KIAA1217: variants seen among roughly 807,000 people sequenced by gnomAD.
The protein encoded by KIAA1217 is KIAA1217.
Under a neutral mutation model 163.9 loss-of-function variants are expected in KIAA1217, and 88 were observed. The observed-to-expected ratio is 0.54, with a 90% CI of 0.45 to 0.64. KIAA1217 has a LOEUF of 0.64. Among genes scored for constraint, KIAA1217 ranks in the 30% least tolerant of loss-of-function variants. The probability of loss-of-function intolerance (pLI) is 0.00; values close to 1 mark genes in which losing one functional copy is unlikely to be tolerated. For missense variants in KIAA1217, 2,372 were observed against 2,475.0 expected, an observed-to-expected ratio of 0.96 and a Z score of 0.88; for synonymous variants, 903 against 923.1, an observed-to-expected ratio of 0.98 and a Z score of 0.39.
At chr10:23,927,197 A>G (rs1441301041) in intron 1 of KIAA1217, among the ~76,000 whole-genome samples, 4 of 152,012 alleles carry the variant, frequency 2.6e-5, no homozygotes, top group Non-Finnish European at 4.4e-5. Context: ...ATAAATTGCT[A>G]TGCTGGGATC....
At chr10:24,202,089 T>G (rs1276559858) in intron 2 of KIAA1217, among the ~76,000 whole-genome samples, 1 of 152,166 alleles carries the variant, frequency 6.6e-6, no homozygotes, top group African/African-American at 2.4e-5. Context: ...GGGGGTGACA[T>G]GGAAAGGTGA....
At chr10:24,493,469 G>A (rs897093570) in intron 6 of KIAA1217, among the ~76,000 whole-genome samples, 5 of 152,292 alleles carry the variant, frequency 3.3e-5, no homozygotes, top group Admixed American at 2.0e-4. Flanking sequence ...TCACTTACTC[G>A]TATTGTTGTT....
At chr10:23,760,309 T>A (rs1834191455) in intron 1 of KIAA1217, among the ~76,000 whole-genome samples, 1 of 152,234 alleles carries the variant, frequency 6.6e-6, no homozygotes, top group African/African-American at 2.4e-5. Flanking sequence ...AGTGCATGCA[T>A]GCAGCAGATA....
chr10:24,137,918 G>T (rs1431376256), intron 2 of KIAA1217, among the ~76,000 whole-genome samples: 1 of 152,054 alleles, frequency 6.6e-6, no homozygotes. Context: ...AAAGAATTTT[G>T]TTGGGATATT....
intron 2 of KIAA1217, among the ~76,000 whole-genome samples, chr10:24,242,614 C>T (rs1347993147): frequency 6.6e-6 from 1 of 152,124 alleles, no homozygotes; most frequent in Non-Finnish European, 1.5e-5. Flanking sequence ...CCAATAATGG[C>T]ATTACTGAGT....
rs749395591 is a variant in KIAA1217, at chr10:24,542,747, G to C, written c.3589G>C (p.Gly1197Arg). 2 of 1,614,102 alleles carry C rather than the reference G, an allele frequency of 1.2e-6. No individual in the cohort carries two copies. The highest frequency in any genetic ancestry group is 4.5e-5 in the East Asian group (2 of 44,866). ...VRKSDVEYEN[G>R]PQMEFQKVTT... ...GAAATCTGATGTTGAATATGAAAAT[G>C]GCCCCCAAATGGAATTCCAAAAGGT... Residue 1197 changes from glycine to arginine, a missense_variant, in exon 18 of 21, where the codon GGC becomes CGC. By Grantham distance (125) the Gly-to-Arg change is moderately radical. Around this residue, in one of 3 missense-constraint regions of KIAA1217, gnomAD observed 251 missense variants for 327.3 expected, o/e 0.77. Transcript: ENST00000376454.
At chr10:24,326,902 T>C (rs947436324) in intron 2 of KIAA1217, among the ~76,000 whole-genome samples, 7 of 152,248 alleles carry the variant, frequency 4.6e-5, no homozygotes, top group Non-Finnish European at 1.0e-4. Flanking sequence ...TTGTAAATGA[T>C]GCTTAATAAT....
At chr10:24,434,552 G>T (rs1045443124) in intron 4 of KIAA1217, among the ~76,000 whole-genome samples, 13 of 152,168 alleles carry the variant, frequency 8.5e-5, no homozygotes, top group African/African-American at 3.1e-4. Context: ...ACCCAGGCTG[G>T]TCTGAAACTC....
intron 3 of KIAA1217, among the ~76,000 whole-genome samples, chr10:24,390,815 TC>T (rs1648961024): frequency 6.6e-6 from 1 of 152,056 alleles, no homozygotes; most frequent in Admixed American, 6.5e-5. Context: ...GATACAAGCA[TC>T]CCCCCAGTTT....
Position 24,524,565 on chromosome 10 carries a change from C to T in KIAA1217, c.2699C>T (p.Ser900Phe). Residue 900 changes from serine (S) to phenylalanine (F), a missense_variant, in exon 13 of 21, where the codon TCC becomes TTC. Ser to Phe is a radical substitution (Grantham distance 155). Transcript: ENST00000376454. ...SPVVIQPSQH[S>F]VALLNPAQNL... is the part of the protein sequence containing the mutation. ...GTGGTCATCCAGCCCTCCCAGCACTCCGTGGCCCTGCTGAACCCTGCTCAG... is the reference window on the plus strand; with the variant it reads ...GTGGTCATCCAGCCCTCCCAGCACTTCGTGGCCCTGCTGAACCCTGCTCAG... 1 of 1,614,104 alleles carries T rather than the reference C, an allele frequency of 6.2e-7. No homozygotes were observed.
intron 9 of KIAA1217, among the ~76,000 whole-genome samples, chr10:24,504,745 T>C (rs927896585): frequency 6.6e-6 from 1 of 152,240 alleles, no homozygotes; most frequent in Non-Finnish European, 1.5e-5. Flanking sequence ...AATTAAATCA[T>C]TGGAAAATCC....
intron 1 of KIAA1217, among the ~76,000 whole-genome samples, chr10:23,900,199 T>C (rs1841897308): frequency 6.6e-6 from 1 of 151,674 alleles, no homozygotes; most frequent in African/African-American, 2.4e-5. Context: ...AGAGATGAGG[T>C]TTTGCAATGT....
chr10:23,856,183 G>C (rs542932742), intron 1 of KIAA1217, among the ~76,000 whole-genome samples: 25 of 152,262 alleles, frequency 1.6e-4, no homozygotes, highest in Non-Finnish European at 2.8e-4. Flanking sequence ...GTACAGATGG[G>C]TTTTTGGTGC....
rs572304874 is a variant in KIAA1217 at position 24,269,384 on chromosome 10, C to A, written c.354+49475C>A. ...CAAAAAAGTAAAACATATGAGGCGGCCTGTTGGCACACATTTGTAGTCCTA... is the reference window on the plus strand; with the variant it reads ...CAAAAAAGTAAAACATATGAGGCGGACTGTTGGCACACATTTGTAGTCCTA... On this transcript the variant is annotated intron_variant, in intron 2 of 20. Transcript: ENST00000376454. Among the ~76,000 whole-genome samples, 12 of 151,952 alleles carry A rather than the reference C, an allele frequency of 7.9e-5. No homozygotes were observed. In the South Asian group the frequency reaches 2.3e-3, roughly 29 times the overall value.
intron 14 of KIAA1217, among the ~76,000 whole-genome samples, chr10:24,529,815 T>TTTTC (rs397846775): frequency 6.6e-6 from 1 of 150,762 alleles, no homozygotes. Flanking sequence ...TTTTTTTTTT[T>TTTTC]GAGACTGAGT....
At chr10:24,362,590 A>G (rs1389603586) in intron 2 of KIAA1217, among the ~76,000 whole-genome samples, 1 of 152,218 alleles carries the variant, frequency 6.6e-6, no homozygotes, top group Non-Finnish European at 1.5e-5. Context: ...AGAGCTTTTC[A>G]TGAGATCTTA....
chr10:24,213,003 C>A (rs1201289650), intron 1 of KIAA1217, among the ~76,000 whole-genome samples: 4 of 152,130 alleles, frequency 2.6e-5, no homozygotes, highest in African/African-American at 7.2e-5. Flanking sequence ...CAAATGAGAT[C>A]CTTTTGAAAG....
intron 1 of KIAA1217, among the ~76,000 whole-genome samples, chr10:23,750,233 C>G (rs547534675): frequency 8.0e-4 from 122 of 152,278 alleles, no homozygotes; most frequent in African/African-American, 2.8e-3. Flanking sequence ...TGCTTAATGC[C>G]CTTCCATTTC....
intron 1 of KIAA1217, among the ~76,000 whole-genome samples, chr10:23,923,433 G>C (rs191209777): frequency 7.2e-5 from 11 of 152,276 alleles, no homozygotes; most frequent in Admixed American, 5.2e-4. Context: ...ATATGGCAAA[G>C]GGAACTTTGC....
Sources: allele counts gnomAD v4.1 joint callset (sites outside exome capture counted in the v4.1 genomes callset), GRCh38; gene constraint gnomAD v4.1.1; regional missense constraint gnomAD v4.1.1; transcripts MANE v1.5; gene names NCBI Gene and HGNC (gene_info 2026-07-23, HGNC 2026-07-21).